Variants in DNAH2 observed in about 807,000 individuals in gnomAD.
The protein encoded by DNAH2 is axonemal beta dynein heavy chain 2.
A neutral mutation model predicts 523.5 loss-of-function variants in DNAH2; 323 were observed. That is an observed-to-expected ratio of 0.62 (90% confidence interval 0.56 to 0.68). DNAH2 has a LOEUF of 0.68. Among genes scored for constraint, DNAH2 ranks in the 30% least tolerant of loss-of-function variants. DNAH2 has a pLI of 0.00. For synonymous variants in DNAH2, 2,093 were observed against 2,177.4 expected (o/e 0.96, Z 1.08); for missense variants, 4,907 against 5,701.5 (o/e 0.86, Z 4.49).
rs780947020 is a variant in DNAH2 at position 7,823,877 on chromosome 17, C to G, written c.11373C>G (p.Ile3791Met). The change falls in exon 75 of 86, where the codon ATC becomes ATG. Residue 3791 changes from isoleucine (I) to methionine (M), a missense_variant. By Grantham distance (10) the Ile-to-Met change is conservative (BLOSUM62 1). Transcript: ENST00000572933. ...GCAATGAAATGCAACGGATGCTGAT[C>G]GTTCGCTCCCTGCGCCAGGACCGCG... ...NACNEMQRML[I>M]VRSLRQDRVA... 1 of 1,614,160 alleles carries G rather than the reference C, an allele frequency of 6.2e-7. No homozygotes were observed. The highest frequency in any genetic ancestry group is 1.1e-5 in the South Asian group (1 of 91,090).
chr17:7,823,330 C>CGA, intron 73 of DNAH2, 112 bp from the exon 74 acceptor site: 1 of 1,054,118 alleles, frequency 9.5e-7, no homozygotes, highest in East Asian at 2.6e-5. Context: ...GTTTTCCCAC[C>CGA]GAGAGAGAGA....
In DNAH2 at chr17:7,786,517, A is replaced by G; in HGVS notation, c.6349-53A>G. On this transcript the variant is annotated intron_variant, in intron 40 of 85. Transcript: ENST00000572933. The surrounding 1 kb of genome is among the most constrained non-coding windows in gnomAD (Gnocchi z 7.5). ...CGTACCTAAGAGGGGTCTGGAAATAAAGAGGGGTTTTTGTCCATCAGCAGC... is the reference window on the plus strand; with the variant it reads ...CGTACCTAAGAGGGGTCTGGAAATAGAGAGGGGTTTTTGTCCATCAGCAGC... 1 of 1,551,924 alleles carries G rather than the reference A, an allele frequency of 6.4e-7. No homozygotes were observed. The highest frequency in any genetic ancestry group is 2.3e-5 in the East Asian group (1 of 44,402).
Position 7,771,414 on chromosome 17 carries a change from A to G in DNAH2, c.4447A>G (p.Ile1483Val). The change falls in exon 28 of 86, where the codon ATC becomes GTC. Residue 1483 changes from isoleucine to valine, a missense_variant. Ile to Val is a conservative substitution (Grantham distance 29, BLOSUM62 3). Transcript: ENST00000572933. ...FDQVNSNWKA[I>V]MDRMNKDNNA... is the part of the protein sequence containing the mutation. ...CCAGGTCAACAGCAACTGGAAAGCC[A>G]TCATGGACAGGATGAACAAGGACAA... 6.2e-7 allele frequency: 1 copy of G among 1,614,060 alleles called. No individual in the cohort carries two copies. Among genetic ancestry groups the G allele is most frequent in the Non-Finnish European group, 8.5e-7 (1 of 1,179,944 alleles).
chr17:7,720,014 G>C, intron 2 of DNAH2, 114 bp downstream of exon 2: 1 of 1,309,630 alleles, frequency 7.6e-7, no homozygotes. Context: ...GGCAGGAAAC[G>C]GGCTAAGTGA....
At chr17:7,721,165 T>C (rs2074593083) in intron 2 of DNAH2, among the ~76,000 whole-genome samples, 1 of 151,394 alleles carries the variant, frequency 6.6e-6, no homozygotes, top group African/African-American at 2.4e-5. Flanking sequence ...TACACCACCA[T>C]GCCCAGCTTA....
At chr17:7,788,485 A>G (rs1381535138) in intron 44 of DNAH2, among the ~76,000 whole-genome samples, 1 of 152,130 alleles carries the variant, frequency 6.6e-6, no homozygotes, top group Non-Finnish European at 1.5e-5. Flanking sequence ...GAATATGTAC[A>G]CAATGGGATC....
chr17:7,778,033 C>T (rs1372191632), intron 33 of DNAH2, 44 bp from the exon 34 acceptor site: 1 of 1,547,252 alleles, frequency 6.5e-7, no homozygotes, highest in Non-Finnish European at 8.9e-7. Context: ...CTCTAACTCT[C>T]CTTCCAAGCC....
chr17:7,792,916 C>G, intron 47 of DNAH2, 61 bp downstream of exon 47: 1 of 1,603,348 alleles, frequency 6.2e-7, no homozygotes, highest in Non-Finnish European at 8.5e-7. Context: ...GCCTGCCTGA[C>G]CCTCCTCTCT....
At chr17:7,783,326 C>T (rs2076652227) in intron 39 of DNAH2, among the ~76,000 whole-genome samples, 1 of 152,122 alleles carries the variant, frequency 6.6e-6, no homozygotes, top group Non-Finnish European at 1.5e-5. Context: ...ATCCGCCTGC[C>T]TCAGCCTCCC....
intron 39 of DNAH2, among the ~76,000 whole-genome samples, chr17:7,785,297 T>C (rs2076705685): frequency 6.6e-6 from 1 of 152,130 alleles, no homozygotes; most frequent in Non-Finnish European, 1.5e-5. Context: ...GAGACGGGGT[T>C]TCGCCATGTT....
Position 7,831,892 on chromosome 17 carries a change from G to C in DNAH2, c.12726+117G>C. On this transcript the variant is annotated intron_variant, in intron 82 of 85. Transcript: ENST00000572933. This position sits in a 1 kb window ranked among gnomAD's most constrained non-coding sequence, Gnocchi z 4.2. ...GCAAACTGCAGAGAGCCGAAACTTT[G>C]AAGTTAGATAGGTTCAAGGTTAAAA... The C allele has an allele frequency of 1.2e-6, 1 of 851,848 alleles. No individual in the cohort carries two copies. The highest frequency in any genetic ancestry group is 3.5e-4 in the Middle Eastern group (1 of 2,858). 52.8% of individuals were successfully genotyped at this position (851,848 alleles called of 1,614,324 possible). A position where few individuals can be genotyped will look rare whatever the true frequency, so the allele number is the denominator to read the frequency against.
chr17:7,798,194 C>G lies in DNAH2; in HGVS notation c.8268C>G (p.Gly2756=). Reference sequence around the variant, plus strand: ...TGCGGGTCATTGGACAGCCTCGGGGCAACATGCTCCTGGTGGGTATCGGGG... The same window carrying G: ...TGCGGGTCATTGGACAGCCTCGGGGGAACATGCTCCTGGTGGGTATCGGGG... The part of the protein sequence containing the change: ...RIVRVIGQPR[G]NMLLVGIGGS... The change falls in exon 54 of 86, where the codon GGC becomes GGG. Residue 2756 remains glycine (G), a synonymous_variant. Transcript: ENST00000572933. The surrounding 1 kb of genome is among the most constrained non-coding windows in gnomAD (Gnocchi z 5.5). The G allele has an allele frequency of 2.5e-6, 4 of 1,610,766 alleles. No homozygotes were observed. The highest frequency in any genetic ancestry group is 3.4e-6 in the Non-Finnish European group (4 of 1,177,402).
intron 22 of DNAH2, among the ~76,000 whole-genome samples, chr17:7,767,106 C>A (rs1204898036): frequency 6.6e-6 from 1 of 150,988 alleles, no homozygotes; most frequent in Non-Finnish European, 1.5e-5. Context: ...TCCCCCGCCC[C>A]AGTCTGTTAT....
chr17:7,755,072 A>G, intron 12 of DNAH2: 1 of 257,178 alleles, frequency 3.9e-6, no homozygotes, highest in Non-Finnish European at 7.3e-6. Context: ...GGAAACAGGT[A>G]AGTGCATACG....
rs572306407 is a variant in DNAH2, at chr17:7,833,243, G to T, written c.13129+22G>T. 8.1e-6 allele frequency: 13 copies of T among 1,606,670 alleles called. No individual in the cohort carries two copies. In the African/African-American group the frequency reaches 1.7e-4, roughly 21 times the overall value. ...AAGGGTGGGACAGCTCCCCAGGCAG[G>T]ACCTGCCTGCCCCGTCCCTAGTTTG... On this transcript the variant is annotated intron_variant, in intron 85 of 85. Coordinates refer to ENST00000572933, the MANE Select transcript of DNAH2 (RefSeq NM_020877.5).
intron 3 of DNAH2, among the ~76,000 whole-genome samples, chr17:7,723,962 G>A (rs1432019841): frequency 6.6e-6 from 1 of 152,102 alleles, no homozygotes; most frequent in African/African-American, 2.4e-5. Context: ...TCATCATGCG[G>A]GTGAACACCT....
rs1272840772 is a variant in DNAH2 at position 7,786,513 on chromosome 17, A to G, written c.6349-57A>G. 6 of 1,542,048 alleles carry G rather than the reference A, an allele frequency of 3.9e-6. No individual in the cohort carries two copies. In the East Asian group the frequency reaches 6.8e-5, roughly 17 times the overall value. ...TGCACGTACCTAAGAGGGGTCTGGA[A>G]ATAAAGAGGGGTTTTTGTCCATCAG... On this transcript the variant is annotated intron_variant, in intron 40 of 85. Coordinates refer to ENST00000572933, the MANE Select transcript of DNAH2 (RefSeq NM_020877.5). This position sits in a 1 kb window ranked among gnomAD's most constrained non-coding sequence, Gnocchi z 7.5.
In DNAH2 at chr17:7,752,485, C is replaced by T. The variant is rs931914267; in HGVS notation, c.1905-4606C>T. On this transcript the variant is annotated intron_variant, in intron 12 of 85. Transcript: ENST00000572933. ...CAGCACTTTGGGAGGCCGAGGCGGG[C>T]GGATCACGAGGTCAGGAGATCGAGA... Among the ~76,000 whole-genome samples, 156 of 152,116 alleles carry T rather than the reference C, an allele frequency of 1.0e-3. 1 individual carries two copies. Among genetic ancestry groups the T allele is most frequent in the Non-Finnish European group, 1.4e-3 (97 of 67,970 alleles).
In DNAH2 at chr17:7,733,153, G is replaced by C. The variant is rs148065459; in HGVS notation, c.466G>C (p.Ala156Pro). Reference protein sequence around the residue: ...PVPITWENFEATVQFGTVRGP... With the variant: ...PVPITWENFEPTVQFGTVRGP... Reference sequence around the variant, plus strand: ...TCCCATCACCTGGGAGAACTTCGAGGCAACTGTGCAGTTTGGGACGGTGCG... The same window carrying C: ...TCCCATCACCTGGGAGAACTTCGAGCCAACTGTGCAGTTTGGGACGGTGCG... Residue 156 changes from alanine (A) to proline (P), a missense_variant, in exon 5 of 86, where the codon GCA becomes CCA. Ala to Pro is a conservative substitution (Grantham distance 27, BLOSUM62 -1). Coordinates refer to ENST00000572933, the MANE Select transcript of DNAH2 (RefSeq NM_020877.5). 2.0e-5 allele frequency: 33 copies of C among 1,614,082 alleles called. No individual in the cohort carries two copies. The highest frequency in any genetic ancestry group is 2.5e-5 in the Non-Finnish European group (30 of 1,180,050).
Sources: gnomAD v4.1 joint callset for allele counts (sites outside exome capture counted in the v4.1 genomes callset) on GRCh38, gnomAD v4.1.1 for gene constraint, Gnocchi (gnomAD v3.1) non-coding constraint, MANE v1.5 for transcripts, NCBI Gene and HGNC (gene_info 2026-07-23, HGNC 2026-07-21) for gene names.